The following CCDC181 variants were observed in gnomAD, a reference collection of about 807,000 sequenced individuals.
CCDC181 encodes coiled-coil domain-containing protein 181.
A neutral mutation model predicts 58.7 loss-of-function variants in CCDC181; 35 were observed. The ratio of observed to expected loss-of-function variants is 0.60; its 90% confidence interval spans 0.46 to 0.79. The LOEUF is 0.79. Among genes scored for constraint, CCDC181 ranks in the 30% least tolerant of loss-of-function variants. The pLI, the probability that CCDC181 is intolerant of heterozygous loss-of-function variation, is 0.00. For synonymous variants in CCDC181, 183 were observed against 197.5 expected, an observed-to-expected ratio of 0.93 and a Z score of 0.62; for missense variants, 517 against 583.9, an observed-to-expected ratio of 0.89 and a Z score of 1.18.
At chr1:169,417,298 A>G (rs909809372) in intron 4 of CCDC181, among the ~76,000 whole-genome samples, 11 of 152,182 alleles carry the variant, frequency 7.2e-5, no homozygotes, top group Admixed American at 3.3e-4. Flanking sequence ...CTGACCAGCT[A>G]TATATTGCCA....
chr1:169,446,752 T>C (rs1487062554), intron 2 of CCDC181, among the ~76,000 whole-genome samples: 6 of 152,240 alleles, frequency 3.9e-5, no homozygotes, highest in Non-Finnish European at 7.3e-5. Context: ...ATGTAGGTTA[T>C]ATGCAAATAT....
chr1:169,419,212 G>A (rs1399062575), intron 3 of CCDC181, 53 bp from the exon 4 acceptor site: 2 of 1,465,620 alleles, frequency 1.4e-6, no homozygotes, highest in African/African-American at 1.4e-5. Context: ...AATTGTATGA[G>A]TTATCAGAGT....
intron 2 of CCDC181, among the ~76,000 whole-genome samples, chr1:169,450,645 G>A (rs1171209462): frequency 6.6e-6 from 1 of 152,148 alleles, no homozygotes; most frequent in Middle Eastern, 3.2e-3. Context: ...GTCAACCTAT[G>A]TGTTTATTTA....
upstream of CCDC181, among the ~76,000 whole-genome samples, chr1:169,431,647 T>A (rs544371180): frequency 1.6e-4 from 25 of 152,300 alleles, 1 homozygote; most frequent in Admixed American, 6.5e-5. Flanking sequence ...TTTGGTGAAT[T>A]TCAGCTCTTA....
rs185018432 is a variant in CCDC181 at position 169,447,360 on chromosome 1, G to A, written c.-24+12437C>T. On this transcript the variant is annotated intron_variant, in intron 2 of 6. Coordinates refer to the CCDC181 transcript ENST00000545005. The stretch of plus-strand genomic sequence containing the variant: ...ACTCCTGACCTCAGGTGATCCACCC[G>A]CCTCAGCCTCCCAAAATGCTGGGAT... 2.4e-3 allele frequency among the ~76,000 whole-genome samples: 367 copies of A among 152,198 alleles called. 2 individuals are homozygous for A. The South Asian group carries it at 0.025, about 10-fold the overall frequency.
rs373936753 is a variant in CCDC181, at chr1:169,397,236, C to G, written c.1370+1G>C. 1 of 1,574,476 alleles carries G rather than the reference C, an allele frequency of 6.4e-7. No individual in the cohort carries two copies. The highest frequency in any genetic ancestry group is 1.2e-5 in the South Asian group (1 of 83,560). ...GGGGAAATGCCCTGCCTTTAACTTA[C>G]TGTTTAAAGGCCCTTTCCCGGCCTT... On this transcript the variant is annotated splice_donor_variant, in intron 5 of 5. Coordinates refer to ENST00000367806, the MANE Select transcript of CCDC181 (RefSeq NM_001300969.2). LOFTEE classifies it high-confidence loss of function.
At chr1:169,439,208 C>T (rs1277805525) in intron 2 of CCDC181, among the ~76,000 whole-genome samples, 1 of 151,064 alleles carries the variant, frequency 6.6e-6, no homozygotes, top group Non-Finnish European at 1.5e-5. Context: ...GGCTACAAGA[C>T]CAGTTGGGAG....
chr1:169,436,946 T>G (rs1197381896), intron 2 of CCDC181, among the ~76,000 whole-genome samples: 1 of 151,178 alleles, frequency 6.6e-6, no homozygotes, highest in Non-Finnish European at 1.5e-5. Flanking sequence ...AGGAGGAGAG[T>G]GACAATAAAA....
At position 169,419,019 on chromosome 1, in the gene CCDC181, GT is replaced by G. The variant is rs764271881; in HGVS notation, c.1208del (p.Asn403ThrfsTer25). ...TCAGAGAAGTTTTACTTACTCTACT[GT>G]TCATGTCTTCAATTTCCTTTGCTCG... ...IQRAKEIEDM[N>X]SRQENRDPQQ... On this transcript the variant is annotated frameshift_variant, in exon 4 of 6. Coordinates refer to ENST00000367806, the MANE Select transcript of CCDC181 (RefSeq NM_001300969.2). LOFTEE classifies it high-confidence loss of function. The G allele has an allele frequency of 6.2e-7, 1 of 1,612,086 alleles. No homozygotes were observed. The highest frequency in any genetic ancestry group is 2.2e-5 in the East Asian group (1 of 44,828).
At chr1:169,425,668 A>T (rs1225270480) in intron 1 of CCDC181, among the ~76,000 whole-genome samples, 2 of 152,130 alleles carry the variant, frequency 1.3e-5, no homozygotes, top group Non-Finnish European at 2.9e-5. Context: ...CATGAATGAT[A>T]CAGAATAAAA....
At chr1:169,427,991 G>T (rs1355188238), upstream of CCDC181, among the ~76,000 whole-genome samples, 1 of 152,186 alleles carries the variant, frequency 6.6e-6, no homozygotes, top group African/African-American at 2.4e-5. Flanking sequence ...TGAAAGTTGA[G>T]ATGATTTTAA....
chr1:169,408,937 T>A (rs1446971559), intron 4 of CCDC181, among the ~76,000 whole-genome samples: 2 of 152,146 alleles, frequency 1.3e-5, no homozygotes, highest in Non-Finnish European at 2.9e-5. Flanking sequence ...AGGAAAGCCC[T>A]GCGCAAAAAG....
intron 4 of CCDC181, among the ~76,000 whole-genome samples, chr1:169,404,551 G>T (rs977231958): frequency 6.6e-6 from 1 of 152,166 alleles, no homozygotes; most frequent in Non-Finnish European, 1.5e-5. Context: ...CAGAACCAAA[G>T]ACAAAAACCA....
intron 4 of CCDC181, among the ~76,000 whole-genome samples, chr1:169,403,659 C>G (rs184316655): frequency 5.3e-5 from 8 of 152,298 alleles, no homozygotes; most frequent in Admixed American, 4.6e-4. Context: ...ACATTTAAAG[C>G]AGTGTGTAGA....
At chr1:169,446,698 A>G (rs1348104105) in intron 2 of CCDC181, among the ~76,000 whole-genome samples, 2 of 152,222 alleles carry the variant, frequency 1.3e-5, no homozygotes, top group African/African-American at 4.8e-5. Flanking sequence ...TGTATTAGAT[A>G]TTATAAGTAA....
intron 4 of CCDC181, among the ~76,000 whole-genome samples, chr1:169,405,588 A>G (rs1329119667): frequency 1.3e-5 from 2 of 152,234 alleles, no homozygotes; most frequent in Non-Finnish European, 2.9e-5. Context: ...TGGTGCTGGG[A>G]AAACTGGCTA....
In CCDC181 at chr1:169,424,952, T is replaced by G. The variant is rs1218075340; in HGVS notation, c.-23-2A>C. The G allele has an allele frequency of 7.2e-7, 1 of 1,387,850 alleles. No individual in the cohort carries two copies. Among genetic ancestry groups the G allele is most frequent in the East Asian group, 2.3e-5 (1 of 43,592 alleles). 86.0% of individuals were successfully genotyped at this position (1,387,850 alleles called of 1,614,324 possible). A position where few individuals can be genotyped will look rare whatever the true frequency, so the allele number is the denominator to read the frequency against. ...TTTTCTGTTTGTGAAGGAAATATGC[T>G]GTAAGATTTTAAAAGATAAGGTATA... On this transcript the variant is annotated splice_acceptor_variant, in intron 1 of 5. Transcript: ENST00000367806. LOFTEE classifies it low-confidence loss of function (5UTR_SPLICE).
intron 2 of CCDC181, chr1:169,454,627 A>C (rs1657636127): frequency 1.3e-5 from 2 of 152,174 alleles, no homozygotes; most frequent in South Asian, 4.1e-4. Flanking sequence ...ATCAAAATTC[A>C]CAGGACGTTC....
At chr1:169,405,507 T>C (rs1655598018) in intron 4 of CCDC181, among the ~76,000 whole-genome samples, 1 of 152,048 alleles carries the variant, frequency 6.6e-6, no homozygotes, top group African/African-American at 2.4e-5. Context: ...ATACCACATA[T>C]CTACAACCAT....
Sources: gnomAD v4.1 joint callset for allele counts (sites outside exome capture counted in the v4.1 genomes callset) on GRCh38, gnomAD v4.1.1 for gene constraint, MANE v1.5 for transcripts, NCBI Gene and HGNC (gene_info 2026-07-23, HGNC 2026-07-21) for gene names.